FRMD6: variants seen among roughly 807,000 people sequenced by gnomAD.
FRMD6 encodes FERM domain-containing protein 6.
FRMD6 carries 37 observed loss-of-function variants against 73.2 expected under a neutral mutation model. The observed-to-expected ratio is 0.51, with a 90% CI of 0.39 to 0.66. The LOEUF (loss-of-function observed/expected upper bound fraction) is 0.66. Among genes scored for constraint, FRMD6 ranks in the 30% least tolerant of loss-of-function variants. The pLI is 0.00. For missense variants in FRMD6, 714 were observed against 780.5 expected (o/e 0.91, Z 1.02); for synonymous variants, 273 against 282.2 (o/e 0.97, Z 0.33).
At chr14:51,563,055 G>A (rs1480540209) in intron 1 of FRMD6, among the ~76,000 whole-genome samples, 1 of 152,202 alleles carries the variant, frequency 6.6e-6, no homozygotes, top group Non-Finnish European at 1.5e-5. Flanking sequence ...TAGGCAGAGA[G>A]CACAGTAGGC....
At chr14:51,421,494 C>T in the FRMD6 span, among the ~76,000 whole-genome samples, 1 of 152,158 alleles carries the variant, frequency 6.6e-6, no homozygotes, top group Non-Finnish European at 1.5e-5. Context: ...ATAAATTAGG[C>T]TTGACAATTG....
At chr14:51,656,687 C>T (rs1006835994) in intron 1 of FRMD6, among the ~76,000 whole-genome samples, 42 of 152,180 alleles carry the variant, frequency 2.8e-4, no homozygotes, top group African/African-American at 9.7e-4. Context: ...GCTGAGATCA[C>T]AGGCTTGAGC....
chr14:51,665,786 C>T (rs765374959), intron 1 of FRMD6, among the ~76,000 whole-genome samples: 20 of 152,094 alleles, frequency 1.3e-4, no homozygotes, highest in African/African-American at 2.9e-4. Flanking sequence ...GTGTCTTTCC[C>T]GTGCTGTTCT....
the FRMD6 span, chr14:51,437,025 T>C: frequency 7.0e-6 from 4 of 574,980 alleles, no homozygotes; most frequent in Admixed American, 2.5e-5. Flanking sequence ...CTGGGATACA[T>C]GTGCACAACG....
intron 2 of FRMD6, among the ~76,000 whole-genome samples, chr14:51,642,058 T>C (rs556830490): frequency 1.3e-5 from 2 of 152,324 alleles, no homozygotes; most frequent in African/African-American, 4.8e-5. Flanking sequence ...TTCACAATCA[T>C]AGACTTAAAG....
At chr14:51,419,383 C>T in the FRMD6 span, among the ~76,000 whole-genome samples, 47,943 of 152,030 alleles carry the variant, frequency 0.32, 8,345 homozygotes, top group African/African-American at 0.46. Flanking sequence ...TTCTTGACCT[C>T]GTGATCTGCC....
At chr14:51,607,285 C>T (rs755567114) in intron 2 of FRMD6, among the ~76,000 whole-genome samples, 4 of 152,090 alleles carry the variant, frequency 2.6e-5, no homozygotes, top group South Asian at 2.1e-4. Context: ...CAGGATCAGA[C>T]GACTTCTTCC....
chr14:51,436,743 A>T, the FRMD6 span: 3 of 540,780 alleles, frequency 5.5e-6, no homozygotes, highest in African/African-American at 1.9e-5. Context: ...TTGGTTTCCG[A>T]TATGGATGAT....
chr14:51,534,926 G>A (rs1314657382), intron 1 of FRMD6, among the ~76,000 whole-genome samples: 2 of 152,182 alleles, frequency 1.3e-5, no homozygotes, highest in Non-Finnish European at 2.9e-5. Flanking sequence ...CGGGGCAGCC[G>A]CTCAATTAGA....
chr14:51,626,527 C>T (rs533067193), intron 2 of FRMD6, among the ~76,000 whole-genome samples: 155 of 152,222 alleles, frequency 1.0e-3, no homozygotes, highest in Non-Finnish European at 1.6e-3. Context: ...TACTTTGCCA[C>T]GTTATCAGGG....
At chr14:51,589,351 T>C (rs200023395) in intron 2 of FRMD6, among the ~76,000 whole-genome samples, 5 of 32,552 alleles carry the variant, frequency 1.5e-4, no homozygotes, top group African/African-American at 3.6e-4. Flanking sequence ...TTGTTTTTGG[T>C]TTTTTTTGTT....
the FRMD6 span, among the ~76,000 whole-genome samples, chr14:51,459,843 A>AT: frequency 1.4e-5 from 2 of 144,430 alleles, no homozygotes; most frequent in South Asian, 2.2e-4. Flanking sequence ...AAAAAAAAAA[A>AT]AAAAGCTGAC....
At chr14:51,641,448 C>G (rs1891804337) in intron 2 of FRMD6, among the ~76,000 whole-genome samples, 1 of 152,070 alleles carries the variant, frequency 6.6e-6, no homozygotes, top group East Asian at 1.9e-4. Flanking sequence ...TCCTATTTAC[C>G]TTTCCCCTCA....
intron 2 of FRMD6, 94 bp from the exon 3 acceptor site, chr14:51,698,048 G>A: frequency 1.3e-6 from 1 of 790,178 alleles, no homozygotes; most frequent in South Asian, 1.6e-5. Flanking sequence ...TCCTTTCAAG[G>A]AATATATTTA....
chr14:51,487,875 A>G (rs941309916), upstream of FRMD6, among the ~76,000 whole-genome samples: 1 of 152,228 alleles, frequency 6.6e-6, no homozygotes, highest in Admixed American at 6.5e-5. Flanking sequence ...TATAGAGGGA[A>G]GTAGGAAGAA....
chr14:51,582,081 T>C (rs1205452333), intron 2 of FRMD6, among the ~76,000 whole-genome samples: 1 of 152,224 alleles, frequency 6.6e-6, no homozygotes, highest in Non-Finnish European at 1.5e-5. Flanking sequence ...GCTTCTAGCA[T>C]AGGGCTCAAT....
At chr14:51,430,857 A>T in the FRMD6 span, among the ~76,000 whole-genome samples, 1 of 152,196 alleles carries the variant, frequency 6.6e-6, no homozygotes, top group African/African-American at 2.4e-5. Context: ...AATGCTTGGG[A>T]TGCTTCTTAT....
intron 2 of FRMD6, among the ~76,000 whole-genome samples, chr14:51,607,002 C>T (rs1001390544): frequency 6.6e-6 from 1 of 152,124 alleles, no homozygotes; most frequent in African/African-American, 2.4e-5. Flanking sequence ...TCTGCACTTT[C>T]TTTTCTGTGT....
intron 1 of FRMD6, among the ~76,000 whole-genome samples, chr14:51,549,720 C>T (rs1424639578): frequency 6.6e-6 from 1 of 151,430 alleles, no homozygotes; most frequent in Non-Finnish European, 1.5e-5. Flanking sequence ...CTCAGCCTCC[C>T]GAGTAGCTGG....
Sources: gnomAD v4.1 joint callset for allele counts (sites outside exome capture counted in the v4.1 genomes callset) on GRCh38, gnomAD v4.1.1 for gene constraint, MANE v1.5 for transcripts, NCBI Gene and HGNC (gene_info 2026-07-23, HGNC 2026-07-21) for gene names.